The following PLOD1 variants were observed in gnomAD, a reference collection of about 807,000 sequenced individuals.
PLOD1 encodes procollagen-lysine,2-oxoglutarate 5-dioxygenase 1.
A neutral mutation model predicts 94.7 loss-of-function variants in PLOD1; 70 were observed. That is an observed-to-expected ratio of 0.74 (90% confidence interval 0.61 to 0.90). The LOEUF is 0.90. Among genes scored for constraint, PLOD1 ranks in the 40% least tolerant of loss-of-function variants. The probability of loss-of-function intolerance (pLI) is 0.00; values close to 1 mark genes in which losing one functional copy is unlikely to be tolerated. For missense variants in PLOD1, 905 were observed against 972.7 expected (o/e 0.93, Z 0.93); for synonymous variants, 417 against 400.2 (o/e 1.04, Z -0.50).
chr1:11,958,957 C>T lies in PLOD1; in HGVS notation c.975+310C>T, dbSNP rs932553467. Among the ~76,000 whole-genome samples the T allele has an allele frequency of 1.3e-5, 2 of 152,190 alleles. No individual in the cohort carries two copies. The highest frequency in any genetic ancestry group is 2.9e-5 in the Non-Finnish European group (2 of 68,032). ...CGGTGGCTCATGCCTGTAATCCCAG[C>T]ACTTTGGGAGGCCCAGGTGGGCAGA... is the stretch of plus-strand genomic sequence containing the variant. On this transcript the variant is annotated intron_variant, in intron 9 of 18. Transcript: ENST00000196061. This position sits in a 1 kb window ranked among gnomAD's most constrained non-coding sequence, Gnocchi z 4.3.
rs1286820110 is a variant in PLOD1 at position 11,965,553 on chromosome 1, A to G, written c.1544A>G (p.His515Arg). The stretch of plus-strand genomic sequence containing the variant: ...TCCCTAGACAGCTACCGCACCACCC[A>G]CCTGCACAACGACCTCTGGGAGGTG... ...LLSLDSYRTT[H>R]LHNDLWEVFS... The change falls in exon 14 of 19, where the codon CAC becomes CGC. Residue 515 changes from histidine (H) to arginine (R), a missense_variant. Coordinates refer to ENST00000196061, the MANE Select transcript of PLOD1 (RefSeq NM_000302.4). The G allele has an allele frequency of 6.2e-7, 1 of 1,613,404 alleles. No homozygotes were observed. The highest frequency in any genetic ancestry group is 8.5e-7 in the Non-Finnish European group (1 of 1,179,786).
At chr1:11,949,118 C>T (rs1645677994) in intron 2 of PLOD1, among the ~76,000 whole-genome samples, 1 of 152,142 alleles carries the variant, frequency 6.6e-6, no homozygotes, top group Non-Finnish European at 1.5e-5. Flanking sequence ...TGACCACCAG[C>T]CACAGATTCA....
At chr1:11,973,044 G>A in intron 18 of PLOD1, 47 bp downstream of exon 18, 2 of 1,611,852 alleles carry the variant, frequency 1.2e-6, no homozygotes, top group South Asian at 1.1e-5. Flanking sequence ...TGGGGATGAG[G>A]AGGGCTAGCT....
At chr1:11,935,574 C>T (rs571708382) in intron 1 of PLOD1, among the ~76,000 whole-genome samples, 7 of 150,290 alleles carry the variant, frequency 4.7e-5, no homozygotes, top group Admixed American at 4.0e-4. Flanking sequence ...CAGGCTGGAA[C>T]GCAGTATGCG....
intron 6 of PLOD1, 64 bp downstream of exon 6, chr1:11,954,957 G>A: frequency 7.7e-7 from 1 of 1,304,422 alleles, no homozygotes; most frequent in Non-Finnish European, 1.1e-6. Flanking sequence ...TCCAGGCAGG[G>A]CCCGAGCCCA....
chr1:11,948,419 G>C (rs925296657), intron 2 of PLOD1, among the ~76,000 whole-genome samples: 3 of 152,082 alleles, frequency 2.0e-5, no homozygotes, highest in African/African-American at 7.2e-5. Flanking sequence ...ACATCTTCCC[G>C]GTATTATAAA....
Position 11,960,626 on chromosome 1 carries a change from T to G in PLOD1, c.976-20T>G. 1.6e-5 allele frequency: 13 copies of G among 834,204 alleles called. No individual in the cohort carries two copies. Among genetic ancestry groups the G allele is most frequent in the Non-Finnish European group, 2.5e-5 (13 of 524,172 alleles). 51.7% of individuals were successfully genotyped at this position (834,204 alleles called of 1,614,324 possible). ...TCCTCCTCCTCACCCCCGCATCCCC[T>G]TCCCCATCCCCAACCCCAGGAGCAG... is the stretch of plus-strand genomic sequence containing the variant. On this transcript the variant is annotated intron_variant, in intron 9 of 18. Transcript: ENST00000196061.
intron 1 of PLOD1, among the ~76,000 whole-genome samples, chr1:11,944,867 A>G (rs756326626): frequency 6.6e-6 from 1 of 152,134 alleles, no homozygotes; most frequent in Admixed American, 6.5e-5. Flanking sequence ...CCTACAGTCT[A>G]GGTTCCTCCT....
intron 1 of PLOD1, among the ~76,000 whole-genome samples, chr1:11,947,225 A>C (rs1483890343): frequency 3.3e-5 from 5 of 150,096 alleles, no homozygotes; most frequent in Non-Finnish European, 7.4e-5. Flanking sequence ...TGACAGAGTG[A>C]GATGCTGTCT....
At chr1:11,967,654 ATATAT>A (rs1169157717) in intron 16 of PLOD1, among the ~76,000 whole-genome samples, 7 of 113,952 alleles carry the variant, frequency 6.1e-5, no homozygotes, top group East Asian at 3.1e-4. Flanking sequence ...ATATATATAT[ATATAT>A]TTTTTTTAAA....
rs1260952727 is a variant in PLOD1, at chr1:11,963,369, G to A, written c.1098-163G>A. The stretch of plus-strand genomic sequence containing the variant: ...TGGGTGAGAGAGCCCAGCAGTCCAG[G>A]GGTTTGGGACTCAGAGTCGGGAGGA... On this transcript the variant is annotated intron_variant, in intron 10 of 18. Coordinates refer to ENST00000196061, the MANE Select transcript of PLOD1 (RefSeq NM_000302.4). This position sits in a 1 kb window ranked among gnomAD's most constrained non-coding sequence, Gnocchi z 4.3. Among the ~76,000 whole-genome samples the A allele has an allele frequency of 6.6e-6, 1 of 152,182 alleles. No homozygotes were observed. The highest frequency in any genetic ancestry group is 1.9e-4 in the East Asian group (1 of 5,196).
chr1:11,957,368 T>C lies in PLOD1; in HGVS notation c.741+354T>C. Reference sequence around the variant, plus strand: ...TGCACCAGACAGTAAGACATAGTCATAAGCAGGACGGATGTCCTGCATTCA... The same window carrying C: ...TGCACCAGACAGTAAGACATAGTCACAAGCAGGACGGATGTCCTGCATTCA... On this transcript the variant is annotated intron_variant, in intron 7 of 18. Transcript: ENST00000196061. The surrounding 1 kb of genome is among the most constrained non-coding windows in gnomAD (Gnocchi z 4.1). 6.6e-6 allele frequency among the ~76,000 whole-genome samples: 1 copy of C among 152,170 alleles called. No individual in the cohort carries two copies. The highest frequency in any genetic ancestry group is 1.9e-4 in the East Asian group (1 of 5,194).
chr1:11,975,113 C>T lies in PLOD1; in HGVS notation c.*305C>T. ...TTCCTGAAAAACCAAGGCCCCCTTC[C>T]CCCACCTCTTCCATGGGGTGAGACT... On this transcript the variant is annotated 3_prime_UTR_variant, in exon 19 of 19. Coordinates refer to ENST00000196061, the MANE Select transcript of PLOD1 (RefSeq NM_000302.4). 2.2e-6 allele frequency: 1 copy of T among 455,462 alleles called. No individual in the cohort carries two copies. Among genetic ancestry groups the T allele is most frequent in the Non-Finnish European group, 4.0e-6 (1 of 246,966 alleles). The allele number at this position is 455,462 out of a possible 1,614,324, so 28.2% of individuals were successfully genotyped here. A position where few individuals can be genotyped will look rare whatever the true frequency, so the allele number is the denominator to read the frequency against.
chr1:11,964,522 C>A (rs1463383082), intron 12 of PLOD1, 122 bp from the exon 13 acceptor site: 2 of 1,022,932 alleles, frequency 2.0e-6, no homozygotes, highest in African/African-American at 1.6e-5. Flanking sequence ...GCCCCCCTAG[C>A]CTGTGACTTC....
Position 11,960,690 on chromosome 1 carries a change from T to G in PLOD1, c.1020T>G (p.His340Gln). ...AGGTGGAAGAGTTCCTGGCACAGCATGGCAGCGAGTACCAGTCTGTGAAGC... is the reference window on the plus strand; with the variant it reads ...AGGTGGAAGAGTTCCTGGCACAGCAGGGCAGCGAGTACCAGTCTGTGAAGC... ...KAQVEEFLAQ[H>Q]GSEYQSVKLV... Residue 340 changes from histidine to glutamine, a missense_variant, in exon 10 of 19, where the codon CAT becomes CAG. Coordinates refer to ENST00000196061, the MANE Select transcript of PLOD1 (RefSeq NM_000302.4). 1 of 1,598,132 alleles carries G rather than the reference T, an allele frequency of 6.3e-7. No homozygotes were observed. Among genetic ancestry groups the G allele is most frequent in the Non-Finnish European group, 8.5e-7 (1 of 1,170,754 alleles).
chr1:11,965,955 G>A (rs1264390780), intron 14 of PLOD1, among the ~76,000 whole-genome samples: 1 of 152,210 alleles, frequency 6.6e-6, no homozygotes, highest in Admixed American at 6.5e-5. Context: ...ATGATCAGAA[G>A]GGGAGACAGT....
chr1:11,953,026 T>C (rs1397396270), intron 5 of PLOD1, among the ~76,000 whole-genome samples: 1 of 152,098 alleles, frequency 6.6e-6, no homozygotes, highest in African/African-American at 2.4e-5. Flanking sequence ...GGTAGGGAGC[T>C]CACTGGGGCC....
chr1:11,949,659 G>C, intron 2 of PLOD1, 114 bp from the exon 3 acceptor site: 1 of 1,024,906 alleles, frequency 9.8e-7, no homozygotes. Context: ...ACCTCAGGTG[G>C]TCCACACGTC....
intron 1 of PLOD1, among the ~76,000 whole-genome samples, chr1:11,939,855 G>A (rs533950360): frequency 1.3e-5 from 2 of 152,128 alleles, no homozygotes; most frequent in Admixed American, 6.5e-5. Context: ...TGATCCACCC[G>A]CCTTGGCCTC....
Sources: allele counts gnomAD v4.1 joint callset (sites outside exome capture counted in the v4.1 genomes callset), GRCh38; gene constraint gnomAD v4.1.1; non-coding constraint Gnocchi (gnomAD v3.1); transcripts MANE v1.5; gene names NCBI Gene and HGNC (gene_info 2026-07-23, HGNC 2026-07-21).